The following TRPC7 variants were observed in gnomAD, a reference collection of about 807,000 sequenced individuals.
TRPC7 encodes the protein transient receptor potential cation channel subfamily C member 7, also known as short transient receptor potential channel 7.
A neutral mutation model predicts 90.1 loss-of-function variants in TRPC7; 42 were observed. The ratio of observed to expected loss-of-function variants is 0.47; its 90% CI spans 0.36 to 0.60. The LOEUF (loss-of-function observed/expected upper bound fraction) is 0.60, where lower values mean the gene tolerates loss of function less well. Ranked by LOEUF, TRPC7 falls within the 20% of genes least tolerant of loss-of-function variation. The pLI, the probability that TRPC7 is intolerant of heterozygous loss-of-function variation, is 0.00. For synonymous variants in TRPC7, 451 were observed against 436.3 expected (o/e 1.03, Z -0.42); for missense variants, 955 against 1,112.3 (o/e 0.86, Z 2.01).
At chr5:136,277,138 A>T (rs1241004845) in intron 3 of TRPC7, among the ~76,000 whole-genome samples, 1 of 152,218 alleles carries the variant, frequency 6.6e-6, no homozygotes, top group Admixed American at 6.5e-5. Flanking sequence ...CTTGGCAGAC[A>T]GGTCAGCACC....
In TRPC7 at chr5:136,274,745, G is replaced by A; in HGVS notation, c.1056C>T (p.Phe352=). The change falls in exon 4 of 12, where the codon TTC becomes TTT. Residue 352 remains phenylalanine, a synonymous_variant. Transcript: ENST00000513104. ...CTATGGAGACTCCAAAGACAGCCAG[G>A]AATTTCACAGCGATAGACTGTTGAC... ...GLRQQSIAVK[F]LAVFGVSIGL... The A allele has an allele frequency of 6.2e-7, 1 of 1,612,130 alleles. No individual in the cohort carries two copies. Among genetic ancestry groups the A allele is most frequent in the Non-Finnish European group, 8.5e-7 (1 of 1,179,260 alleles).
chr5:136,319,081 T>G (rs1272796711), intron 2 of TRPC7, among the ~76,000 whole-genome samples: 1 of 152,202 alleles, frequency 6.6e-6, no homozygotes, highest in Non-Finnish European at 1.5e-5. Context: ...CAAGTCATCC[T>G]TAGTGCTCTT....
chr5:136,259,368 A>G (rs980626775), intron 5 of TRPC7, among the ~76,000 whole-genome samples: 8 of 152,202 alleles, frequency 5.3e-5, no homozygotes, highest in African/African-American at 1.2e-4. Context: ...CTTAACAGAC[A>G]TTGTTGAGCT....
intron 10 of TRPC7, among the ~76,000 whole-genome samples, chr5:136,218,689 A>G (rs537747639): frequency 6.6e-6 from 1 of 152,312 alleles, no homozygotes; most frequent in South Asian, 2.1e-4. Flanking sequence ...CTCAAACTCT[A>G]TTTGGCTGGG....
At chr5:136,268,263 C>T (rs1186639940) in intron 4 of TRPC7, among the ~76,000 whole-genome samples, 1 of 152,012 alleles carries the variant, frequency 6.6e-6, no homozygotes, top group East Asian at 1.9e-4. Flanking sequence ...GTCACTGTGT[C>T]CTGACTGAGC....
chr5:136,253,595 A>G (rs1037128899), intron 5 of TRPC7, among the ~76,000 whole-genome samples: 1 of 152,212 alleles, frequency 6.6e-6, no homozygotes, highest in African/African-American at 2.4e-5. Flanking sequence ...GATTGGGGGT[A>G]TCATGAACCA....
At chr5:136,243,301 A>T (rs534199055) in intron 7 of TRPC7, among the ~76,000 whole-genome samples, 2 of 148,344 alleles carry the variant, frequency 1.3e-5, no homozygotes. Context: ...AGAGACTCCA[A>T]TTGCCCTTGG....
At chr5:136,229,364 G>A in intron 8 of TRPC7, among the ~76,000 whole-genome samples, 1 of 152,092 alleles carries the variant, frequency 6.6e-6, no homozygotes, top group South Asian at 2.1e-4. Flanking sequence ...CTTGGTACAT[G>A]TGCTCCCTAC....
At chr5:136,256,665 C>T (rs1405618729) in intron 5 of TRPC7, among the ~76,000 whole-genome samples, 2 of 152,218 alleles carry the variant, frequency 1.3e-5, no homozygotes, top group East Asian at 3.8e-4. Flanking sequence ...ACTCTATTCT[C>T]TGACCTCATA....
chr5:136,218,475 G>A (rs995578104), intron 10 of TRPC7, among the ~76,000 whole-genome samples: 3 of 152,076 alleles, frequency 2.0e-5, no homozygotes, highest in Non-Finnish European at 4.4e-5. Context: ...AGGAATTAAG[G>A]GTTCTTCAGT....
At position 136,327,729 on chromosome 5, in the gene TRPC7, G is replaced by A. The variant is rs895070390; in HGVS notation, c.781-11950C>T. ...ACAGGATGTTGAGAGGATTCAACGCGGTAAAGTGGGGAAGCACACAGCCCA... is the reference window on the plus strand; with the variant it reads ...ACAGGATGTTGAGAGGATTCAACGCAGTAAAGTGGGGAAGCACACAGCCCA... On this transcript the variant is annotated intron_variant, in intron 2 of 11. Transcript: ENST00000513104. Among the ~76,000 whole-genome samples, 4 of 152,160 alleles carry A rather than the reference G, an allele frequency of 2.6e-5. 1 individual carries two copies. The highest frequency in any genetic ancestry group is 9.7e-5 in the African/African-American group (4 of 41,424).
At chr5:136,357,910 T>C (rs906017862) in intron 1 of TRPC7, among the ~76,000 whole-genome samples, 5 of 152,224 alleles carry the variant, frequency 3.3e-5, no homozygotes, top group African/African-American at 4.8e-5. Flanking sequence ...CCTCTTTTTA[T>C]GCCCAGCTCT....
chr5:136,258,246 G>A (rs1343986000), intron 5 of TRPC7, among the ~76,000 whole-genome samples: 6 of 151,940 alleles, frequency 3.9e-5, no homozygotes, highest in Non-Finnish European at 7.4e-5. Flanking sequence ...ATTATTCCAG[G>A]GCCATAAGTA....
At chr5:136,282,879 T>G (rs1161330719) in intron 3 of TRPC7, among the ~76,000 whole-genome samples, 2 of 152,180 alleles carry the variant, frequency 1.3e-5, no homozygotes, top group African/African-American at 4.8e-5. Context: ...GAGGACACAG[T>G]GAACAAGATG....
At chr5:136,326,574 T>C (rs950908316) in intron 2 of TRPC7, among the ~76,000 whole-genome samples, 2 of 151,840 alleles carry the variant, frequency 1.3e-5, no homozygotes, top group African/African-American at 2.4e-5. Flanking sequence ...TAGGAGAAGA[T>C]GAGAAGAGAT....
chr5:136,250,080 C>T (rs1756472111), intron 6 of TRPC7, among the ~76,000 whole-genome samples: 1 of 152,172 alleles, frequency 6.6e-6, no homozygotes, highest in East Asian at 1.9e-4. Context: ...CATCAATATT[C>T]TCTCTTCCTT....
At chr5:136,293,703 T>C (rs1482172904) in intron 3 of TRPC7, among the ~76,000 whole-genome samples, 1 of 152,120 alleles carries the variant, frequency 6.6e-6, no homozygotes, top group Non-Finnish European at 1.5e-5. Context: ...ATTGTGAAAA[T>C]GGCCATACTG....
At chr5:136,288,441 C>T (rs1246709936) in intron 3 of TRPC7, among the ~76,000 whole-genome samples, 5 of 144,638 alleles carry the variant, frequency 3.5e-5, no homozygotes, top group Admixed American at 7.0e-5. Flanking sequence ...AGTGTAACAA[C>T]ATGGAGTGGG....
In TRPC7 at chr5:136,357,361, G is replaced by A. The variant is rs369025269; in HGVS notation, c.27C>T (p.Asn9=). The change falls in exon 2 of 12, where the codon AAC becomes AAT. Residue 9 remains asparagine, a synonymous_variant. Coordinates refer to ENST00000513104, the MANE Select transcript of TRPC7 (RefSeq NM_020389.3). MLRNSTFK[N]MQRRHTTLRE... is the part of the protein sequence containing the mutation. ...TCAGCGTTGTGTGCCGGCGCTGCAT[G>A]TTTTTGAAGGTGCTGTTCCTCAACC... 1.2e-5 allele frequency: 19 copies of A among 1,599,800 alleles called. No homozygotes were observed. In the Admixed American group the frequency reaches 2.8e-4, roughly 24 times the overall value.
Sources: gnomAD v4.1 joint callset for allele counts (sites outside exome capture counted in the v4.1 genomes callset) on GRCh38, gnomAD v4.1.1 for gene constraint, MANE v1.5 for transcripts, NCBI Gene and HGNC (gene_info 2026-07-23, HGNC 2026-07-21) for gene names.